Variants in MYO19 observed in about 807,000 individuals in gnomAD.
MYO19 encodes the protein myosin XIX.
MYO19 carries 132 observed loss-of-function variants against 129.2 expected under a neutral mutation model. That is an observed-to-expected ratio of 1.02 (90% CI 0.89 to 1.18). MYO19 has a LOEUF of 1.18. Ranked by LOEUF, MYO19 falls within the 50% of genes most tolerant of loss-of-function variation. The pLI is 0.00. For missense variants in MYO19, 1,210 were observed against 1,216.7 expected, an observed-to-expected ratio of 0.99 and a Z score of 0.08; for synonymous variants, 531 against 477.2, an observed-to-expected ratio of 1.11 and a Z score of -1.47.
chr17:36,500,653 C>T, intron 23 of MYO19, 177 bp downstream of exon 23: 1 of 855,356 alleles, frequency 1.2e-6, no homozygotes, highest in African/African-American at 1.7e-5. Context: ...TTCCATTGAA[C>T]TGGAGAGACG....
At chr17:36,499,939 ACCTCTG>A (rs2071391473) in intron 23 of MYO19, 1 of 151,116 alleles carries the variant, frequency 6.6e-6, no homozygotes, top group Non-Finnish European at 1.5e-5. Flanking sequence ...GCTCACTGCA[ACCTCTG>A]CCTCCTGGGT....
rs1197540455 is a variant in MYO19, at chr17:36,500,969, A to G, written c.2248-10T>C. The G allele has an allele frequency of 1.2e-6, 2 of 1,610,120 alleles. No homozygotes were observed. Among genetic ancestry groups the G allele is most frequent in the South Asian group, 2.2e-5 (2 of 91,000 alleles). On this transcript the variant is annotated splice_polypyrimidine_tract_variant and intron_variant, in intron 22 of 25. Transcript: ENST00000614623. Reference sequence around the variant, plus strand: ...ATTCCAGAAGCTCCAGCTGGGAGAAAAGGCATCCATTGAGGGCAGCCTCTT... The same window carrying G: ...ATTCCAGAAGCTCCAGCTGGGAGAAGAGGCATCCATTGAGGGCAGCCTCTT...
upstream of MYO19, chr17:36,537,792 G>A: frequency 6.2e-7 from 1 of 1,614,130 alleles, no homozygotes; most frequent in Non-Finnish European, 8.5e-7. Context: ...ACATTTAACA[G>A]AGTATGGAGT....
intron 4 of MYO19, 52 bp from the exon 5 acceptor site, chr17:36,527,751 A>G: frequency 6.5e-7 from 1 of 1,545,820 alleles, no homozygotes; most frequent in Non-Finnish European, 8.8e-7. Flanking sequence ...GTCAAACCAC[A>G]CACACAGACA....
chr17:36,506,935 G>A, intron 17 of MYO19, 28 bp downstream of exon 17: 1 of 1,536,898 alleles, frequency 6.5e-7, no homozygotes, highest in Non-Finnish European at 8.8e-7. Context: ...TTTCTCGCAG[G>A]CCCCACAGGG....
chr17:36,540,047 T>C (rs896677660), intron 2 of MYO19, among the ~76,000 whole-genome samples: 3 of 151,924 alleles, frequency 2.0e-5, no homozygotes, highest in African/African-American at 7.3e-5. Flanking sequence ...CATAATGGAA[T>C]TGAAAGAAGG....
rs144938443 is a variant in MYO19 at position 36,504,971 on chromosome 17, C to T, written c.1905+326G>A. ...TCCAGTGAGAAATGGCTGCACTGTG[C>T]GGGGACTGTGTGGTGATGTAGACTT... is the stretch of plus-strand genomic sequence containing the variant. On this transcript the variant is annotated intron_variant, in intron 19 of 25. Transcript: ENST00000614623. 850 of 477,380 alleles carry T rather than the reference C, an allele frequency of 1.8e-3. 2 individuals carry two copies. Among genetic ancestry groups the T allele is most frequent in the Middle Eastern group, 0.018 (41 of 2,306 alleles). The allele number at this position is 477,380 out of a possible 1,614,324, so 29.6% of individuals were successfully genotyped here.
intron 5 of MYO19, among the ~76,000 whole-genome samples, chr17:36,526,110 C>T (rs78580352): frequency 0.071 from 10,771 of 152,236 alleles, 644 homozygotes; most frequent in African/African-American, 0.16. Flanking sequence ...GTCAGAGCCA[C>T]TCCTCTCTAC....
chr17:36,525,720 A>C (rs2073423447), intron 5 of MYO19, among the ~76,000 whole-genome samples: 1 of 152,212 alleles, frequency 6.6e-6, no homozygotes, highest in African/African-American at 2.4e-5. Context: ...CCTATTTTAT[A>C]GATAAGGAAT....
upstream of MYO19, chr17:36,537,081 C>T (rs1227482926): frequency 3.2e-6 from 5 of 1,562,576 alleles, no homozygotes; most frequent in Non-Finnish European, 1.7e-6. Flanking sequence ...TTCCTTTGCT[C>T]TTGTTTTCAC....
chr17:36,496,888 A>G (rs2071027219), intron 25 of MYO19, among the ~76,000 whole-genome samples: 1 of 152,192 alleles, frequency 6.6e-6, no homozygotes, highest in Non-Finnish European at 1.5e-5. Flanking sequence ...ACCAGGATCC[A>G]GACCCTGGGG....
Position 36,495,842 on chromosome 17 carries a change from G to C in MYO19, c.*409C>G. On this transcript the variant is annotated 3_prime_UTR_variant, in exon 26 of 26. Coordinates refer to ENST00000614623, the MANE Select transcript of MYO19 (RefSeq NM_001163735.2). ...ACTAAAGTTTTGTTCCTTTTTAAAG[G>C]AAATAACCACAAGATTTTTCCCAGC... The C allele has an allele frequency of 8.1e-7, 1 of 1,240,734 alleles. No homozygotes were observed. The highest frequency in any genetic ancestry group is 4.0e-5 in the South Asian group (1 of 24,750). The allele number at this position is 1,240,734 out of a possible 1,614,324, so 76.9% of individuals were successfully genotyped here. A position where few individuals can be genotyped will look rare whatever the true frequency, so the allele number is the denominator to read the frequency against.
At chr17:36,512,196 A>AACACACACACACACACACAC (rs57765074) in intron 11 of MYO19, among the ~76,000 whole-genome samples, 5 of 138,134 alleles carry the variant, frequency 3.6e-5, no homozygotes, top group South Asian at 2.3e-4. Context: ...ACTAAAAATA[A>AACACACACACACACACACAC]ACACACACAC....
At chr17:36,537,051 T>A, upstream of MYO19, 1 of 1,488,468 alleles carries the variant, frequency 6.7e-7, no homozygotes, top group Non-Finnish European at 9.1e-7. Flanking sequence ...TACACAAGAA[T>A]GCTGCTTTTC....
At chr17:36,509,580 T>C in intron 13 of MYO19, 1 of 205,444 alleles carries the variant, frequency 4.9e-6, no homozygotes, top group Non-Finnish European at 1.0e-5. Context: ...CTGATGTAGT[T>C]CTGCACAAGT....
intron 6 of MYO19, among the ~76,000 whole-genome samples, chr17:36,522,126 G>A (rs2073174271): frequency 6.6e-6 from 1 of 151,694 alleles, no homozygotes; most frequent in African/African-American, 2.4e-5. Flanking sequence ...ATAAAACCCA[G>A]CCAAAATATC....
upstream of MYO19, among the ~76,000 whole-genome samples, chr17:36,536,542 T>G (rs1195598066): frequency 1.3e-5 from 2 of 149,988 alleles, no homozygotes; most frequent in African/African-American, 4.9e-5. Context: ...TTTTTTTTTT[T>G]TGAGATGGAG....
chr17:36,505,488 A>C, intron 18 of MYO19, 84 bp from the exon 19 acceptor site: 1 of 950,762 alleles, frequency 1.1e-6, no homozygotes, highest in Non-Finnish European at 1.6e-6. Flanking sequence ...ACTACATCAA[A>C]TGCCTCCAGC....
At chr17:36,524,190 G>C (rs1256071770) in intron 6 of MYO19, among the ~76,000 whole-genome samples, 2 of 152,122 alleles carry the variant, frequency 1.3e-5, no homozygotes, top group African/African-American at 2.4e-5. Context: ...AGCTCCTAGA[G>C]ATCCCCTCCT....
Sources: gnomAD v4.1 joint callset for allele counts (sites outside exome capture counted in the v4.1 genomes callset) on GRCh38, gnomAD v4.1.1 for gene constraint, MANE v1.5 for transcripts, NCBI Gene and HGNC (gene_info 2026-07-23, HGNC 2026-07-21) for gene names.